The following ARHGAP24 variants were observed in gnomAD, a reference collection of about 807,000 sequenced individuals.
ARHGAP24 encodes the protein Rho GTPase activating protein 24.
Under a neutral mutation model 76.4 loss-of-function variants are expected in ARHGAP24, and 50 were observed. That is an observed-to-expected ratio of 0.65 (90% CI 0.52 to 0.83). The LOEUF is 0.83. Among genes scored for constraint, ARHGAP24 ranks in the 40% least tolerant of loss-of-function variants. The pLI is 0.00. For synonymous variants in ARHGAP24, 345 were observed against 323.3 expected, an observed-to-expected ratio of 1.07 and a Z score of -0.72; for missense variants, 930 against 914.2, an observed-to-expected ratio of 1.02 and a Z score of -0.22.
intron 3 of ARHGAP24, among the ~76,000 whole-genome samples, chr4:85,728,488 T>TACCA (rs1725259278): frequency 1.3e-5 from 2 of 152,176 alleles, no homozygotes; most frequent in Non-Finnish European, 2.9e-5. Flanking sequence ...TATTTGTAAT[T>TACCA]ATCTGTTATA....
chr4:85,739,984 C>G (rs571293427), intron 3 of ARHGAP24, among the ~76,000 whole-genome samples: 4 of 152,148 alleles, frequency 2.6e-5, no homozygotes, highest in Non-Finnish European at 4.4e-5. Context: ...CTCCCATGCT[C>G]CAGCCACACA....
At chr4:85,812,137 C>G (rs1475795586) in intron 3 of ARHGAP24, among the ~76,000 whole-genome samples, 1 of 152,082 alleles carries the variant, frequency 6.6e-6, no homozygotes, top group African/African-American at 2.4e-5. Context: ...GATTGTGCCA[C>G]TGCACTCCAG....
chr4:85,910,510 C>T (rs948179442), intron 3 of ARHGAP24, among the ~76,000 whole-genome samples: 2 of 152,254 alleles, frequency 1.3e-5, no homozygotes, highest in Middle Eastern at 3.4e-3. Flanking sequence ...GGTGTCCCAA[C>T]GAGTGTTCAG....
chr4:85,789,343 A>G (rs758127391), intron 3 of ARHGAP24, among the ~76,000 whole-genome samples: 5 of 152,190 alleles, frequency 3.3e-5, no homozygotes, highest in Non-Finnish European at 5.9e-5. Context: ...AGAAAAGGCA[A>G]TACTAAACAG....
chr4:85,506,605 A>G (rs911011337), intron 1 of ARHGAP24, among the ~76,000 whole-genome samples: 4 of 151,014 alleles, frequency 2.6e-5, no homozygotes, highest in Non-Finnish European at 5.9e-5. Context: ...TGAGAAAAGC[A>G]CAGTATTTGG....
At chr4:85,712,970 C>A (rs796728320) in intron 2 of ARHGAP24, among the ~76,000 whole-genome samples, 21 of 152,298 alleles carry the variant, frequency 1.4e-4, no homozygotes, top group African/African-American at 5.1e-4. Context: ...CCTGTGCAAC[C>A]CTGCCGTCTC....
chr4:85,933,568 A>G (rs1736467023), intron 4 of ARHGAP24, among the ~76,000 whole-genome samples: 1 of 152,230 alleles, frequency 6.6e-6, no homozygotes, highest in Admixed American at 6.5e-5. Context: ...CCAGGAACCA[A>G]GAAACATCTA....
chr4:85,502,209 CTT>C (rs1337413342), intron 1 of ARHGAP24, among the ~76,000 whole-genome samples: 1 of 152,082 alleles, frequency 6.6e-6, no homozygotes, highest in Non-Finnish European at 1.5e-5. Context: ...AATGTGGGCT[CTT>C]TTTTGGTTCC....
chr4:85,664,866 T>C (rs1339539674), intron 2 of ARHGAP24, among the ~76,000 whole-genome samples: 1 of 152,248 alleles, frequency 6.6e-6, no homozygotes, highest in Admixed American at 6.5e-5. Context: ...GATTGCACTG[T>C]GGTCTGAGAG....
chr4:85,596,021 AT>A (rs1237744451), intron 2 of ARHGAP24, among the ~76,000 whole-genome samples: 7 of 151,928 alleles, frequency 4.6e-5, no homozygotes, highest in African/African-American at 1.7e-4. Context: ...AGATACGTTC[AT>A]CAGGGAGCTG....
intron 5 of ARHGAP24, among the ~76,000 whole-genome samples, chr4:85,967,449 T>C (rs1039656805): frequency 3.0e-4 from 46 of 152,128 alleles, no homozygotes; most frequent in Non-Finnish European, 1.3e-4. Flanking sequence ...AATATAAAAT[T>C]AAGTCAATCA....
intron 2 of ARHGAP24, among the ~76,000 whole-genome samples, chr4:85,650,813 A>G (rs1721910829): frequency 6.7e-6 from 1 of 149,454 alleles, no homozygotes; most frequent in Non-Finnish European, 1.5e-5. Flanking sequence ...GGAACCTGTG[A>G]AAGTATTGAT....
chr4:85,800,805 A>G (rs568600214), intron 3 of ARHGAP24, among the ~76,000 whole-genome samples: 2 of 152,344 alleles, frequency 1.3e-5, no homozygotes, highest in South Asian at 4.1e-4. Context: ...TTTGCCTTAT[A>G]TATTATTCAA....
In ARHGAP24 at chr4:85,857,307, T is replaced by C. The variant is rs147279050; in HGVS notation, c.269-66341T>C. ...AAATATTTATTTACACTTTACAAAC[T>C]ACAAGAGAAAAACCTTGTCATGTAT... is the stretch of plus-strand genomic sequence containing the variant. On this transcript the variant is annotated intron_variant, in intron 3 of 9. Transcript: ENST00000395184. 4.2e-3 allele frequency among the ~76,000 whole-genome samples: 641 copies of C among 152,264 alleles called. 3 individuals carry two copies. Among genetic ancestry groups the C allele is most frequent in the Admixed American group, 6.9e-3 (106 of 15,294 alleles).
chr4:85,902,625 C>G (rs1734564139), intron 3 of ARHGAP24, among the ~76,000 whole-genome samples: 1 of 152,004 alleles, frequency 6.6e-6, no homozygotes, highest in African/African-American at 2.4e-5. Flanking sequence ...TTTTTTTGAA[C>G]CGGAGTCTCA....
At chr4:85,937,066 G>A (rs1736681355) in intron 4 of ARHGAP24, among the ~76,000 whole-genome samples, 1 of 152,194 alleles carries the variant, frequency 6.6e-6, no homozygotes, top group Non-Finnish European at 1.5e-5. Flanking sequence ...ACCATTGGAA[G>A]AGGTAAAGCA....
At chr4:85,874,829 AT>A (rs1351221052) in intron 3 of ARHGAP24, among the ~76,000 whole-genome samples, 2 of 64,068 alleles carry the variant, frequency 3.1e-5, no homozygotes, top group Non-Finnish European at 5.0e-5. Context: ...TAATTTATAT[AT>A]AAAATATATT....
rs952846566 is a variant in ARHGAP24, at chr4:86,000,376, G to A, written c.2004-103G>A. ...TCCAATTTCCTAAGCATCATAAAGA[G>A]TTTAGAAAATATTTGTATGTCTCTT... is the stretch of plus-strand genomic sequence containing the variant. On this transcript the variant is annotated intron_variant, in intron 9 of 9. Transcript: ENST00000395184. 1.3e-5 allele frequency: 12 copies of A among 924,698 alleles called. No homozygotes were observed. The African/African-American group carries it at 1.6e-4, about 12-fold the overall frequency. The allele number at this position is 924,698 out of a possible 1,614,324, so 57.3% of individuals were successfully genotyped here. A position where few individuals can be genotyped will look rare whatever the true frequency, so the allele number is the denominator to read the frequency against.
chr4:85,894,700 C>T (rs879513438), intron 3 of ARHGAP24, among the ~76,000 whole-genome samples: 1 of 152,002 alleles, frequency 6.6e-6, no homozygotes, highest in Non-Finnish European at 1.5e-5. Flanking sequence ...TGGCTCATGC[C>T]TGCAATCCCA....
Sources: allele counts gnomAD v4.1 joint callset (sites outside exome capture counted in the v4.1 genomes callset), GRCh38; gene constraint gnomAD v4.1.1; transcripts MANE v1.5; gene names NCBI Gene and HGNC (gene_info 2026-07-23, HGNC 2026-07-21).